The following KIAA1217 variants were observed in gnomAD, a reference collection of about 807,000 sequenced individuals.
KIAA1217 encodes the protein KIAA1217.
KIAA1217 carries 88 observed loss-of-function variants against 163.9 expected under a neutral mutation model. That is an observed-to-expected ratio of 0.54 (90% CI 0.45 to 0.64). The LOEUF is 0.64. Ranked by LOEUF, KIAA1217 falls within the 30% of genes least tolerant of loss-of-function variation. The probability of loss-of-function intolerance (pLI) is 0.00; values close to 1 mark genes in which losing one functional copy is unlikely to be tolerated. For synonymous variants in KIAA1217, 903 were observed against 923.1 expected (o/e 0.98, Z 0.39); for missense variants, 2,372 against 2,475.0 (o/e 0.96, Z 0.88).
chr10:24,037,471 T>C (rs1458383490), intron 2 of KIAA1217, among the ~76,000 whole-genome samples: 1 of 151,936 alleles, frequency 6.6e-6, no homozygotes, highest in East Asian at 1.9e-4. Context: ...GCCTGGGCAA[T>C]AGAGCAAGAC....
At chr10:24,333,552 T>C (rs1233672546) in intron 2 of KIAA1217, among the ~76,000 whole-genome samples, 2 of 152,162 alleles carry the variant, frequency 1.3e-5, no homozygotes, top group Non-Finnish European at 2.9e-5. Flanking sequence ...AAAAGCAGTA[T>C]AAAATGGGTT....
At chr10:23,907,275 A>G (rs1021862424) in intron 1 of KIAA1217, among the ~76,000 whole-genome samples, 2 of 150,224 alleles carry the variant, frequency 1.3e-5, no homozygotes, top group African/African-American at 2.4e-5. Flanking sequence ...TCTGCAGAGA[A>G]AGAGAACCAA....
intron 2 of KIAA1217, among the ~76,000 whole-genome samples, chr10:24,200,290 T>C (rs2067194432): frequency 6.6e-6 from 1 of 151,660 alleles, no homozygotes; most frequent in African/African-American, 2.4e-5. Flanking sequence ...CTCACTGCAC[T>C]CTCAAACTCC....
At chr10:24,241,106 C>T (rs1036178461) in intron 2 of KIAA1217, among the ~76,000 whole-genome samples, 2 of 152,090 alleles carry the variant, frequency 1.3e-5, no homozygotes, top group Non-Finnish European at 2.9e-5. Context: ...CTTGGCCTCC[C>T]GAAATGCTGG....
At chr10:23,765,970 C>T (rs966144742) in intron 1 of KIAA1217, among the ~76,000 whole-genome samples, 3 of 152,190 alleles carry the variant, frequency 2.0e-5, no homozygotes, top group African/African-American at 7.2e-5. Flanking sequence ...ACCAGCGTTA[C>T]TCAGTAATTT....
At chr10:23,858,652 C>T (rs1346900641) in intron 1 of KIAA1217, among the ~76,000 whole-genome samples, 5 of 152,052 alleles carry the variant, frequency 3.3e-5, no homozygotes, top group East Asian at 1.9e-4. Context: ...CAGTCATAAT[C>T]GGGCTCCCCA....
At chr10:23,828,271 G>A (rs1564456458) in intron 1 of KIAA1217, among the ~76,000 whole-genome samples, 1 of 152,040 alleles carries the variant, frequency 6.6e-6, no homozygotes, top group South Asian at 2.1e-4. Flanking sequence ...TGGGAGATAG[G>A]CATAGAGTTC....
At chr10:24,116,682 C>A (rs1307200747) in intron 2 of KIAA1217, among the ~76,000 whole-genome samples, 1 of 152,000 alleles carries the variant, frequency 6.6e-6, no homozygotes, top group African/African-American at 2.4e-5. Context: ...TTTTTGTCCT[C>A]ACCACTCATG....
chr10:23,954,448 C>T (rs1439374434), intron 1 of KIAA1217, among the ~76,000 whole-genome samples: 1 of 151,928 alleles, frequency 6.6e-6, no homozygotes, highest in African/African-American at 2.4e-5. Context: ...ATCTGTGGTC[C>T]CAGCTGCTCG....
chr10:24,421,442 T>C (rs910111380), intron 3 of KIAA1217, among the ~76,000 whole-genome samples: 5 of 152,258 alleles, frequency 3.3e-5, no homozygotes, highest in Admixed American at 1.3e-4. Flanking sequence ...TTTCCTTACA[T>C]TATTATATTG....
At position 24,494,745 on chromosome 10, in the gene KIAA1217, TA is replaced by T. The variant is rs530870896; in HGVS notation, c.1784+142del. The T allele has an allele frequency of 2.0e-4, 136 of 681,624 alleles. 1 individual carries two copies. The South Asian group carries it at 2.7e-3, about 14-fold the overall frequency. 42.2% of individuals were successfully genotyped at this position (681,624 alleles called of 1,614,324 possible). On this transcript the variant is annotated intron_variant, in intron 7 of 20. Coordinates refer to ENST00000376454, the MANE Select transcript of KIAA1217 (RefSeq NM_019590.5). ...TCACATCTCTATGGATCATGGGCGT[TA>T]TTTTTTTGTTTTGGGGGGTTTGGTT...
At chr10:24,308,082 T>G (rs2042212940) in intron 2 of KIAA1217, among the ~76,000 whole-genome samples, 1 of 152,234 alleles carries the variant, frequency 6.6e-6, no homozygotes, top group African/African-American at 2.4e-5. Flanking sequence ...CAATTTAACT[T>G]ATTTGTTCTT....
chr10:23,783,011 A>G (rs1006796996), intron 1 of KIAA1217, among the ~76,000 whole-genome samples: 1 of 152,188 alleles, frequency 6.6e-6, no homozygotes, highest in African/African-American at 2.4e-5. Context: ...GTTCTTTTCT[A>G]TACCTAAATT....
intron 1 of KIAA1217, among the ~76,000 whole-genome samples, chr10:23,890,071 G>A (rs905436735): frequency 4.0e-5 from 6 of 151,502 alleles, no homozygotes; most frequent in African/African-American, 1.5e-4. Context: ...ATTCACCAGT[G>A]GAATCATCTG....
chr10:23,759,607 T>C (rs1300831803), intron 1 of KIAA1217, among the ~76,000 whole-genome samples: 1 of 152,210 alleles, frequency 6.6e-6, no homozygotes, highest in African/African-American at 2.4e-5. Context: ...TTACAGTTTC[T>C]CTGAATGTCT....
At chr10:24,021,227 C>T (rs564335007) in intron 2 of KIAA1217, among the ~76,000 whole-genome samples, 1 of 151,748 alleles carries the variant, frequency 6.6e-6, no homozygotes, top group Non-Finnish European at 1.5e-5. Flanking sequence ...ACAAAAAATA[C>T]TGGAATTAAT....
chr10:23,788,584 G>T (rs1481742778), intron 1 of KIAA1217, among the ~76,000 whole-genome samples: 1 of 152,194 alleles, frequency 6.6e-6, no homozygotes, highest in African/African-American at 2.4e-5. Context: ...CCCATATGGG[G>T]TTTTAATTAA....
chr10:24,209,344 C>T, intron 1 of KIAA1217, 81 bp downstream of exon 1: 6 of 953,112 alleles, frequency 6.3e-6, no homozygotes, highest in Non-Finnish European at 6.3e-6. Context: ...AACTGCAGCT[C>T]TGGGACCCGG....
At position 24,536,882 on chromosome 10, in the gene KIAA1217, A is replaced by C; in HGVS notation, c.3523A>C (p.Lys1175Gln). ...TAGGTCGGGCGCCACAGTGCCACCC[A>C]AGGAGAAGAAGGTAACGTGGCAACT... ...DTRSGATVPP[K>Q]EKKNLEFFHE... is the part of the protein sequence containing the mutation. Residue 1175 changes from lysine to glutamine, a missense_variant, in exon 17 of 21, where the codon AAG becomes CAG. Physicochemically the swap from Lys to Gln is moderately conservative, Grantham distance 53. This residue lies in a region of KIAA1217 where 251 missense variants were observed against 327.3 expected (regional missense o/e 0.77). Coordinates refer to ENST00000376454, the MANE Select transcript of KIAA1217 (RefSeq NM_019590.5). 2 of 1,613,936 alleles carry C rather than the reference A, an allele frequency of 1.2e-6. No individual in the cohort carries two copies. The highest frequency in any genetic ancestry group is 1.7e-6 in the Non-Finnish European group (2 of 1,179,898).
Sources: gnomAD v4.1 joint callset for allele counts (sites outside exome capture counted in the v4.1 genomes callset) on GRCh38, gnomAD v4.1.1 for gene constraint, gnomAD v4.1.1 regional missense constraint, MANE v1.5 for transcripts, NCBI Gene and HGNC (gene_info 2026-07-23, HGNC 2026-07-21) for gene names.